The following PLCG2 variants were observed in gnomAD, a reference collection of about 807,000 sequenced individuals.
PLCG2 encodes the protein 1-phosphatidylinositol 4,5-bisphosphate phosphodiesterase gamma-2.
A neutral mutation model predicts 175.6 loss-of-function variants in PLCG2; 69 were observed. The observed-to-expected ratio is 0.39, with a 90% confidence interval of 0.32 to 0.48. The LOEUF is 0.48. PLCG2 is among the 20% of genes least tolerant of loss of function. PLCG2 has a pLI of 0.91. For synonymous variants in PLCG2, 827 were observed against 624.0 expected, an observed-to-expected ratio of 1.33 and a Z score of -4.85; for missense variants, 1,798 against 1,650.9, an observed-to-expected ratio of 1.09 and a Z score of -1.54.
chr16:81,888,470 A>G (rs1597109435), intron 9 of PLCG2, among the ~76,000 whole-genome samples: 1 of 152,148 alleles, frequency 6.6e-6, no homozygotes. Flanking sequence ...CAGGCAGTCC[A>G]CCCGCCTCGG....
chr16:81,925,265 G>A (rs1354777273), intron 22 of PLCG2, among the ~76,000 whole-genome samples: 2 of 152,192 alleles, frequency 1.3e-5, no homozygotes, highest in Admixed American at 1.3e-4. Context: ...GGCCGCCTGG[G>A]TGAAACCGGC....
At chr16:81,761,885 G>A (rs1290731303) in intron 2 of PLCG2, among the ~76,000 whole-genome samples, 1 of 148,220 alleles carries the variant, frequency 6.7e-6, no homozygotes, top group Non-Finnish European at 1.5e-5. Flanking sequence ...AGGCTGGAGT[G>A]CAGTGGTGTG....
At chr16:81,795,827 A>G (rs1486665537) in intron 2 of PLCG2, among the ~76,000 whole-genome samples, 2 of 152,182 alleles carry the variant, frequency 1.3e-5, no homozygotes, top group Non-Finnish European at 2.9e-5. Context: ...GGCCTCCCAA[A>G]GAGCTGGGAT....
intron 5 of PLCG2, among the ~76,000 whole-genome samples, chr16:81,864,848 A>G (rs753552897): frequency 1.8e-4 from 28 of 152,054 alleles, no homozygotes; most frequent in Non-Finnish European, 3.7e-4. Context: ...CAGGGAGGAC[A>G]CTGTGATTGT....
intron 31 of PLCG2, among the ~76,000 whole-genome samples, chr16:81,950,913 GAGAT>G (rs1402113293): frequency 6.6e-6 from 1 of 152,102 alleles, no homozygotes; most frequent in Non-Finnish European, 1.5e-5. Flanking sequence ...AGGAATAAAA[GAGAT>G]AGAAACCAAC....
At chr16:81,940,295 A>ATTGT (rs1910887462) in intron 30 of PLCG2, among the ~76,000 whole-genome samples, 1 of 152,088 alleles carries the variant, frequency 6.6e-6, no homozygotes, top group Admixed American at 6.5e-5. Context: ...GCAAAACTGG[A>ATTGT]TTGTTAGTGG....
intron 30 of PLCG2, among the ~76,000 whole-genome samples, chr16:81,945,447 A>G (rs12716928): frequency 0.9 from 137,715 of 152,310 alleles, 62,415 homozygotes; most frequent in East Asian, 0.96. Flanking sequence ...ACTGTTAACC[A>G]TGGTTCCTTT....
At chr16:81,766,520 A>C (rs1910154475) in intron 2 of PLCG2, among the ~76,000 whole-genome samples, 1 of 148,282 alleles carries the variant, frequency 6.7e-6, no homozygotes, top group African/African-American at 2.5e-5. Context: ...TCCTCAGGTC[A>C]CCCTCCTCCA....
At chr16:81,937,699 G>C in intron 27 of PLCG2, 59 bp from the exon 28 acceptor site, 1 of 1,531,200 alleles carries the variant, frequency 6.5e-7, no homozygotes, top group Non-Finnish European at 9.0e-7. Context: ...GAAACTCCTG[G>C]CCTAGGGGGC....
At chr16:81,894,168 C>A (rs1325657707) in intron 12 of PLCG2, among the ~76,000 whole-genome samples, 2 of 152,036 alleles carry the variant, frequency 1.3e-5, no homozygotes, top group African/African-American at 4.8e-5. Flanking sequence ...GTGGCTCATG[C>A]CTGTAATCCC....
In PLCG2 at chr16:81,946,721, C is replaced by T. The variant is rs1185783446; in HGVS notation, c.3570+458C>T. On this transcript the variant is annotated intron_variant, in intron 31 of 32. Transcript: ENST00000564138. ...AGATGGAATCCATTTACAAATAAGG[C>T]GATCATGCACAGCTTTAGGTGAGTA... Among the ~76,000 whole-genome samples, 4 of 152,254 alleles carry T rather than the reference C, an allele frequency of 2.6e-5. No individual in the cohort carries two copies. In the East Asian group the frequency reaches 5.8e-4, roughly 22 times the overall value.
intron 9 of PLCG2, among the ~76,000 whole-genome samples, chr16:81,884,775 C>G (rs973343192): frequency 2.0e-5 from 3 of 151,968 alleles, no homozygotes; most frequent in Middle Eastern, 3.2e-3. Flanking sequence ...AGTTCATTTA[C>G]TTAAAAAACC....
intron 1 of PLCG2, among the ~76,000 whole-genome samples, chr16:81,748,217 C>T (rs1042544792): frequency 2.0e-5 from 3 of 152,060 alleles, no homozygotes; most frequent in African/African-American, 4.8e-5. Flanking sequence ...TGGTGAAACT[C>T]CATCTCTACT....
Position 81,910,721 on chromosome 16 carries a change from G to C in PLCG2, c.1934+1G>C. The C allele has an allele frequency of 6.2e-7, 1 of 1,606,682 alleles. No individual in the cohort carries two copies. Among genetic ancestry groups the C allele is most frequent in the Non-Finnish European group, 8.5e-7 (1 of 1,179,752 alleles). ...ACCCCAACCCCCACGAGTCCAAGCC[G>C]TACGTGTCTGAGGGTGGAGCAGGAG... On this transcript the variant is annotated splice_donor_variant, in intron 18 of 32. Transcript: ENST00000564138. LOFTEE classifies it high-confidence loss of function.
At chr16:81,810,486 T>C (rs2143291030) in intron 2 of PLCG2, among the ~76,000 whole-genome samples, 1 of 152,364 alleles carries the variant, frequency 6.6e-6, no homozygotes, top group African/African-American at 2.4e-5. Flanking sequence ...GTGGTCATTC[T>C]TGGTGATGCA....
intron 20 of PLCG2, among the ~76,000 whole-genome samples, chr16:81,919,927 G>A (rs544980126): frequency 6.6e-6 from 1 of 152,318 alleles, no homozygotes; most frequent in South Asian, 2.1e-4. Context: ...CACTGGGCAG[G>A]TGGATAAGAG....
At chr16:81,843,335 A>C (rs1385236682) in intron 2 of PLCG2, among the ~76,000 whole-genome samples, 1 of 152,172 alleles carries the variant, frequency 6.6e-6, no homozygotes, top group Non-Finnish European at 1.5e-5. Context: ...TCACACCTTT[A>C]CACTCATACG....
At chr16:81,838,834 G>A (rs1905670650) in intron 2 of PLCG2, among the ~76,000 whole-genome samples, 2 of 148,114 alleles carry the variant, frequency 1.4e-5, no homozygotes, top group East Asian at 2.0e-4. Flanking sequence ...GTGGTAAAAT[G>A]CACACATGGT....
At chr16:81,845,545 C>G (rs987566381) in intron 2 of PLCG2, among the ~76,000 whole-genome samples, 12 of 152,216 alleles carry the variant, frequency 7.9e-5, no homozygotes, top group African/African-American at 2.9e-4. Context: ...GTCTGTCCAC[C>G]TCATCAGTAG....
Sources: allele counts gnomAD v4.1 joint callset (sites outside exome capture counted in the v4.1 genomes callset), GRCh38; gene constraint gnomAD v4.1.1; transcripts MANE v1.5; gene names NCBI Gene and HGNC (gene_info 2026-07-23, HGNC 2026-07-21).